Variants in CTNNA2 observed in about 807,000 individuals in gnomAD.
CTNNA2 encodes catenin alpha-2.
A neutral mutation model predicts 101.0 loss-of-function variants in CTNNA2; 42 were observed. The observed-to-expected ratio is 0.42, with a 90% CI of 0.32 to 0.54. The LOEUF (loss-of-function observed/expected upper bound fraction) is 0.54, where lower values mean the gene tolerates loss of function less well. CTNNA2 is among the 20% of genes least tolerant of loss of function. The pLI, the probability that CTNNA2 is intolerant of heterozygous loss-of-function variation, is 0.14. For missense variants in CTNNA2, 871 were observed against 1,223.1 expected (o/e 0.71, Z 4.29); for synonymous variants, 450 against 456.4 (o/e 0.99, Z 0.18).
At chr2:79,793,587 T>G (rs1268636221) in intron 3 of CTNNA2, among the ~76,000 whole-genome samples, 3 of 152,156 alleles carry the variant, frequency 2.0e-5, no homozygotes, top group Non-Finnish European at 4.4e-5. Flanking sequence ...AGGTTTTCAT[T>G]ATGCAAACAT....
At chr2:79,267,527 T>G (rs962450710) in intron 2 of CTNNA2, among the ~76,000 whole-genome samples, 1 of 152,230 alleles carries the variant, frequency 6.6e-6, no homozygotes, top group East Asian at 1.9e-4. Context: ...TAATTAGGTT[T>G]TAACATATGA....
In CTNNA2 at chr2:80,112,361, T is replaced by C. The variant is rs962677156; in HGVS notation, c.1056+202564T>C. Among the ~76,000 whole-genome samples, 3 of 152,324 alleles carry C rather than the reference T, an allele frequency of 2.0e-5. No individual in the cohort carries two copies. In the East Asian group the frequency reaches 5.8e-4, roughly 29 times the overall value. On this transcript the variant is annotated intron_variant, in intron 7 of 18. Coordinates refer to ENST00000402739, the MANE Select transcript of CTNNA2 (RefSeq NM_001282597.3). ...ATGGCAGAATTATTTGCAACAGAGA[T>C]CATAAAAAATATTTACTATTTATAT...
chr2:79,904,484 A>G (rs1685285399), intron 6 of CTNNA2, among the ~76,000 whole-genome samples: 1 of 152,208 alleles, frequency 6.6e-6, no homozygotes, highest in East Asian at 1.9e-4. Context: ...TATACTTTAT[A>G]ATTGTAATTA....
intron 2 of CTNNA2, among the ~76,000 whole-genome samples, chr2:79,744,134 T>G (rs993757331): frequency 2.0e-5 from 3 of 152,212 alleles, no homozygotes; most frequent in Non-Finnish European, 4.4e-5. Context: ...CTGGCAAGTA[T>G]GCTATTTCTG....
At chr2:80,489,705 C>A (rs1237067630) in intron 9 of CTNNA2, among the ~76,000 whole-genome samples, 1 of 152,140 alleles carries the variant, frequency 6.6e-6, no homozygotes, top group African/African-American at 2.4e-5. Context: ...GTGGCAGACA[C>A]CACAGTTCTT....
intron 1 of CTNNA2, among the ~76,000 whole-genome samples, chr2:79,535,225 T>C (rs1482457316): frequency 6.8e-6 from 1 of 147,768 alleles, no homozygotes; most frequent in African/African-American, 2.5e-5. Context: ...TATTTTGCTC[T>C]TTTTTTTTTG....
At position 80,237,277 on chromosome 2, in the gene CTNNA2, T is replaced by TA. The variant is rs964525379; in HGVS notation, c.1057-155928dup. ...TGTTACTAAATGTCTGCATTTTTGC[T>TA]AAAAAATTGAATAATGTGTTTGTTC... is the stretch of plus-strand genomic sequence containing the variant. On this transcript the variant is annotated intron_variant, in intron 7 of 18. Transcript: ENST00000402739. Among the ~76,000 whole-genome samples the TA allele has an allele frequency of 2.6e-5, 4 of 152,332 alleles. No homozygotes were observed. The East Asian group carries it at 7.7e-4, about 29-fold the overall frequency.
At chr2:80,097,423 C>T (rs182585590) in intron 7 of CTNNA2, among the ~76,000 whole-genome samples, 1 of 152,316 alleles carries the variant, frequency 6.6e-6, no homozygotes, top group African/African-American at 2.4e-5. Context: ...ACCTTTCTCT[C>T]TGGCTGCCCT....
At chr2:79,346,055 T>C (rs1338581942) in intron 3 of CTNNA2, among the ~76,000 whole-genome samples, 1 of 152,054 alleles carries the variant, frequency 6.6e-6, no homozygotes, top group Non-Finnish European at 1.5e-5. Flanking sequence ...CTGTGTATAT[T>C]GAGAGAGGGC....
chr2:80,201,367 C>CTTTTTTTTTTTTTTTTTT (rs60448795), intron 7 of CTNNA2, among the ~76,000 whole-genome samples: 1 of 80,732 alleles, frequency 1.2e-5, no homozygotes, highest in Non-Finnish European at 2.3e-5. Flanking sequence ...CTTTTTCTTT[C>CTTTTTTTTTTTTTTTTTT]TTTTTTTTTT....
intron 7 of CTNNA2, among the ~76,000 whole-genome samples, chr2:80,004,745 C>T (rs935043365): frequency 3.0e-4 from 46 of 151,150 alleles, no homozygotes; most frequent in African/African-American, 1.1e-3. Context: ...CTGTGTTGCC[C>T]AGGCTGGAGT....
chr2:79,294,381 T>C (rs1377818102), intron 2 of CTNNA2, among the ~76,000 whole-genome samples: 1 of 152,154 alleles, frequency 6.6e-6, no homozygotes, highest in Non-Finnish European at 1.5e-5. Context: ...CTTGTGACTT[T>C]ATCTAACCAT....
intron 1 of CTNNA2, among the ~76,000 whole-genome samples, chr2:79,622,126 A>G (rs1458259629): frequency 6.6e-6 from 1 of 152,186 alleles, no homozygotes. Flanking sequence ...ACAAACAAAA[A>G]TGGCTCCTTA....
intron 2 of CTNNA2, among the ~76,000 whole-genome samples, chr2:79,232,206 C>T (rs1367460778): frequency 6.6e-6 from 1 of 151,902 alleles, no homozygotes; most frequent in African/African-American, 2.4e-5. Context: ...TCATAGATGG[C>T]TCTTATTATT....
chr2:79,862,144 A>G (rs531239846), intron 4 of CTNNA2, among the ~76,000 whole-genome samples: 2 of 152,346 alleles, frequency 1.3e-5, no homozygotes, highest in African/African-American at 4.8e-5. Flanking sequence ...GTCAGAGGAA[A>G]CAATCACCTT....
chr2:79,395,642 A>G (rs1227816648), intron 4 of CTNNA2, among the ~76,000 whole-genome samples: 2 of 152,164 alleles, frequency 1.3e-5, no homozygotes, highest in Non-Finnish European at 2.9e-5. Flanking sequence ...AGAGAAGTCC[A>G]TTTCCTATCT....
intron 4 of CTNNA2, among the ~76,000 whole-genome samples, chr2:79,456,735 T>C (rs1670826161): frequency 6.6e-6 from 1 of 152,164 alleles, no homozygotes; most frequent in African/African-American, 2.4e-5. Context: ...TGGCACTTGG[T>C]TAGAATGCTG....
intron 2 of CTNNA2, among the ~76,000 whole-genome samples, chr2:79,251,036 A>G (rs1297928965): frequency 6.6e-6 from 1 of 152,188 alleles, no homozygotes; most frequent in African/African-American, 2.4e-5. Context: ...AGTAATGGTT[A>G]AAATCTGGCA....
intron 2 of CTNNA2, among the ~76,000 whole-genome samples, chr2:79,682,283 C>T (rs1316093537): frequency 3.3e-5 from 5 of 151,492 alleles, no homozygotes; most frequent in South Asian, 2.1e-4. Flanking sequence ...TGGTGGCGGG[C>T]GCCTGTAATC....
Sources: gnomAD v4.1 joint callset for allele counts (sites outside exome capture counted in the v4.1 genomes callset) on GRCh38, gnomAD v4.1.1 for gene constraint, MANE v1.5 for transcripts, NCBI Gene and HGNC (gene_info 2026-07-23, HGNC 2026-07-21) for gene names.